The following CHST9 variants were observed in gnomAD, a reference collection of about 807,000 sequenced individuals.
The protein encoded by CHST9 is carbohydrate sulfotransferase 9.
In CHST9, 41 loss-of-function variants were observed where a neutral mutation model predicts 44.4. The observed-to-expected ratio is 0.92, with a 90% CI of 0.72 to 1.20. The LOEUF is 1.20. Among genes scored for constraint, CHST9 ranks in the 50% most tolerant of loss-of-function variants. CHST9 has a pLI of 0.00. For missense variants in CHST9, 504 were observed against 516.5 expected, an observed-to-expected ratio of 0.98 and a Z score of 0.23; for synonymous variants, 171 against 178.4, an observed-to-expected ratio of 0.96 and a Z score of 0.33.
At chr18:27,182,494 A>G (rs2058920454) in intron 1 of CHST9, among the ~76,000 whole-genome samples, 1 of 152,220 alleles carries the variant, frequency 6.6e-6, no homozygotes, top group Non-Finnish European at 1.5e-5. Flanking sequence ...CTCAAAAAAT[A>G]TGAAAATGCT....
intron 2 of CHST9, among the ~76,000 whole-genome samples, chr18:27,091,937 G>C (rs781781589): frequency 2.2e-4 from 33 of 152,154 alleles, no homozygotes; most frequent in Admixed American, 3.9e-4. Flanking sequence ...CCAGGCTTTG[G>C]TATCAGGATG....
chr18:27,168,648 G>T (rs1213644283), intron 1 of CHST9, among the ~76,000 whole-genome samples: 1 of 152,062 alleles, frequency 6.6e-6, no homozygotes, highest in Non-Finnish European at 1.5e-5. Flanking sequence ...CCAAGTAAGA[G>T]GTATCACATA....
intron 2 of CHST9, among the ~76,000 whole-genome samples, chr18:27,062,439 G>A (rs1235524317): frequency 6.6e-6 from 1 of 151,986 alleles, no homozygotes; most frequent in Non-Finnish European, 1.5e-5. Flanking sequence ...GCGATAGTTT[G>A]CTGAGAATGA....
At chr18:27,065,958 G>A (rs942364193) in intron 2 of CHST9, among the ~76,000 whole-genome samples, 4 of 152,170 alleles carry the variant, frequency 2.6e-5, no homozygotes, top group Non-Finnish European at 5.9e-5. Context: ...AAAACATGGA[G>A]TAGGAACAAG....
intron 2 of CHST9, among the ~76,000 whole-genome samples, chr18:27,107,244 T>C (rs1486074680): frequency 6.6e-6 from 1 of 152,216 alleles, no homozygotes; most frequent in African/African-American, 2.4e-5. Context: ...AATGAAGAGT[T>C]ACTGAAGTTT....
chr18:27,014,491 A>AAAAAAAAAAAAAAT (rs2057125409), intron 4 of CHST9, among the ~76,000 whole-genome samples: 1 of 123,306 alleles, frequency 8.1e-6, no homozygotes, highest in African/African-American at 3.2e-5. Context: ...AAAAAAAAAA[A>AAAAAAAAAAAAAAT]AAGAATTACA....
intron 2 of CHST9, among the ~76,000 whole-genome samples, chr18:27,066,612 C>G (rs2057785046): frequency 6.6e-6 from 1 of 152,086 alleles, no homozygotes; most frequent in South Asian, 2.1e-4. Context: ...GATTGTTATA[C>G]CTGTCAGGAT....
chr18:27,057,584 G>C (rs1009579455), intron 2 of CHST9, among the ~76,000 whole-genome samples: 4 of 152,184 alleles, frequency 2.6e-5, no homozygotes, highest in African/African-American at 9.7e-5. Flanking sequence ...GGACGCTTAG[G>C]CAAAGAGAGC....
At chr18:26,969,196 G>T (rs558862188) in intron 4 of CHST9, among the ~76,000 whole-genome samples, 2 of 151,870 alleles carry the variant, frequency 1.3e-5, no homozygotes, top group Non-Finnish European at 2.9e-5. Context: ...TGGAGACGGG[G>T]TTTCACCGTA....
At chr18:27,151,623 G>T (rs960354169) in intron 1 of CHST9, among the ~76,000 whole-genome samples, 1 of 152,188 alleles carries the variant, frequency 6.6e-6, no homozygotes, top group African/African-American at 2.4e-5. Context: ...GAGTCTTGAA[G>T]AATGGAAGAG....
At chr18:27,132,390 C>T (rs1409194772) in intron 2 of CHST9, among the ~76,000 whole-genome samples, 3 of 152,134 alleles carry the variant, frequency 2.0e-5, no homozygotes, top group Non-Finnish European at 1.5e-5. Context: ...TTCAGGATAT[C>T]CCTGGAGAAA....
intron 4 of CHST9, among the ~76,000 whole-genome samples, chr18:27,002,393 A>G (rs2056964661): frequency 6.6e-6 from 1 of 152,206 alleles, no homozygotes; most frequent in South Asian, 2.1e-4. Flanking sequence ...GAAATGCAAT[A>G]CAGACCTATG....
intron 5 of CHST9, among the ~76,000 whole-genome samples, chr18:26,936,924 C>T (rs1412728661): frequency 1.3e-5 from 2 of 152,042 alleles, no homozygotes; most frequent in Non-Finnish European, 2.9e-5. Flanking sequence ...TACGGAGTTT[C>T]AGTATTCCAT....
At chr18:27,005,786 C>A (rs745761167) in intron 4 of CHST9, among the ~76,000 whole-genome samples, 1 of 152,078 alleles carries the variant, frequency 6.6e-6, no homozygotes, top group Admixed American at 6.6e-5. Context: ...AGCTACGAAC[C>A]TTCTTCTTCC....
chr18:27,067,950 C>A (rs1411851603), intron 2 of CHST9, among the ~76,000 whole-genome samples: 3 of 152,116 alleles, frequency 2.0e-5, no homozygotes, highest in Non-Finnish European at 4.4e-5. Context: ...TTTGAATGAT[C>A]CATTTTCCTC....
intron 1 of CHST9, among the ~76,000 whole-genome samples, chr18:27,159,900 GCTCT>G (rs1339528643): frequency 7.9e-5 from 12 of 152,166 alleles, no homozygotes; most frequent in East Asian, 3.9e-4. Flanking sequence ...TCATGATTTG[GCTCT>G]CTATTTGTCT....
chr18:26,923,256 G>C (rs1167830141), intron 5 of CHST9, among the ~76,000 whole-genome samples: 1 of 152,178 alleles, frequency 6.6e-6, no homozygotes, highest in Non-Finnish European at 1.5e-5. Flanking sequence ...TGGGGGTCCA[G>C]GATACAAAGA....
Position 26,914,993 on chromosome 18 carries a change from A to G in CHST9, c.*1266T>C. 1 of 397,644 alleles carries G rather than the reference A, an allele frequency of 2.5e-6. No individual in the cohort carries two copies. 24.6% of individuals were successfully genotyped at this position (397,644 alleles called of 1,614,324 possible). The stretch of plus-strand genomic sequence containing the variant: ...TGATCCCTTTTTTTTTCCCCAAGGG[A>G]TCTAATTTAGGATCCCTTGGAAAAA... On this transcript the variant is annotated 3_prime_UTR_variant, in exon 6 of 6. Transcript: ENST00000618847.
chr18:27,070,172 C>T (rs1568159824), intron 2 of CHST9, among the ~76,000 whole-genome samples: 1 of 152,076 alleles, frequency 6.6e-6, no homozygotes, highest in Non-Finnish European at 1.5e-5. Flanking sequence ...CTACTATCTG[C>T]CCTAAGTTTG....
Sources: gnomAD v4.1 joint callset for allele counts (sites outside exome capture counted in the v4.1 genomes callset) on GRCh38, gnomAD v4.1.1 for gene constraint, MANE v1.5 for transcripts, NCBI Gene and HGNC (gene_info 2026-07-23, HGNC 2026-07-21) for gene names.